The following SLC17A6 variants were observed in gnomAD, a reference collection of about 807,000 sequenced individuals.
The protein encoded by SLC17A6 is solute carrier family 17 member 6.
A neutral mutation model predicts 67.1 loss-of-function variants in SLC17A6; 35 were observed. The observed-to-expected ratio is 0.52, with a 90% CI of 0.40 to 0.69. SLC17A6 has a LOEUF of 0.69. Among genes scored for constraint, SLC17A6 ranks in the 30% least tolerant of loss-of-function variants. The pLI, the probability that SLC17A6 is intolerant of heterozygous loss-of-function variation, is 0.00. For synonymous variants in SLC17A6, 285 were observed against 252.3 expected (o/e 1.13, Z -1.23); for missense variants, 588 against 723.9 (o/e 0.81, Z 2.15).
At chr11:22,363,471 G>A (rs1358276928) in intron 6 of SLC17A6, among the ~76,000 whole-genome samples, 1 of 152,136 alleles carries the variant, frequency 6.6e-6, no homozygotes, top group East Asian at 1.9e-4. Context: ...TTTTAATGAT[G>A]AGGAAAGGAA....
Position 22,377,583 on chromosome 11 carries a change from T to C in SLC17A6, c.1592T>C (p.Ile531Thr). ...EDELDEETGDITQNYINYGTT... is the reference protein window; with the variant it reads ...EDELDEETGDTTQNYINYGTT... ...GAACTCGATGAAGAAACAGGGGACA[T>C]TACTCAAAATTATATAAATTATGGT... Residue 531 changes from isoleucine to threonine, a missense_variant, in exon 12 of 12, where the codon ATT becomes ACT. Ile to Thr is a moderately conservative substitution (Grantham distance 89). This residue lies in a region of SLC17A6 where 414 missense variants were observed against 563.4 expected (regional missense o/e 0.73). Coordinates refer to ENST00000263160, the MANE Select transcript of SLC17A6 (RefSeq NM_020346.3). 6.2e-7 allele frequency: 1 copy of C among 1,614,130 alleles called. No homozygotes were observed. The highest frequency in any genetic ancestry group is 1.3e-5 in the African/African-American group (1 of 75,050).
At position 22,350,059 on chromosome 11, in the gene SLC17A6, A is replaced by G. The variant is rs369974957; in HGVS notation, c.458+6694A>G. On this transcript the variant is annotated intron_variant, in intron 3 of 11. Transcript: ENST00000263160. The stretch of plus-strand genomic sequence containing the variant: ...TCCTTTCACCTTTTCTGGGCAAATC[A>G]TTTTGGGGTGGGCTTGATACTTGAG... Among the ~76,000 whole-genome samples, 3 of 152,240 alleles carry G rather than the reference A, an allele frequency of 2.0e-5. No individual in the cohort carries two copies. The East Asian group carries it at 5.8e-4, about 29-fold the overall frequency.
intron 7 of SLC17A6, among the ~76,000 whole-genome samples, chr11:22,368,471 C>A (rs1006093926): frequency 1.3e-5 from 2 of 151,844 alleles, no homozygotes; most frequent in African/African-American, 4.8e-5. Context: ...ATAAATAGAA[C>A]ATTATCAGAA....
intron 7 of SLC17A6, among the ~76,000 whole-genome samples, chr11:22,367,517 G>C (rs1564985472): frequency 6.6e-6 from 1 of 152,074 alleles, no homozygotes; most frequent in African/African-American, 2.4e-5. Context: ...GGTGATATGG[G>C]AGTGGGTGGA....
At chr11:22,341,380 G>T (rs1855813529) in intron 1 of SLC17A6, 148 bp from the exon 2 acceptor site, 6 of 1,187,688 alleles carry the variant, frequency 5.1e-6, no homozygotes, top group Non-Finnish European at 5.8e-6. Flanking sequence ...TTGCAGCTTG[G>T]TGTCACCCCA....
rs1856262882 is a variant in SLC17A6 at position 22,378,795 on chromosome 11, A to G, written c.*1055A>G. 1 of 152,098 alleles carries G rather than the reference A, an allele frequency of 6.6e-6. No individual in the cohort carries two copies. 9.4% of individuals were successfully genotyped at this position (152,098 alleles called of 1,614,324 possible). A position where few individuals can be genotyped will look rare whatever the true frequency, so the allele number is the denominator to read the frequency against. ...TTATTATTTAAAGTCCTATTAAGAA[A>G]TATTTGTCTTAAATATATAGGACAA... On this transcript the variant is annotated 3_prime_UTR_variant, in exon 12 of 12. Transcript: ENST00000263160.
chr11:22,342,418 A>G (rs1322546824), intron 2 of SLC17A6, among the ~76,000 whole-genome samples: 2 of 152,148 alleles, frequency 1.3e-5, no homozygotes, highest in Non-Finnish European at 2.9e-5. Context: ...GAGTGGAGAA[A>G]CTGGGGAAGA....
intron 3 of SLC17A6, among the ~76,000 whole-genome samples, chr11:22,353,146 G>A (rs1855960694): frequency 6.6e-6 from 1 of 152,096 alleles, no homozygotes; most frequent in Admixed American, 6.5e-5. Context: ...GGCTAACCTT[G>A]ACAAGCCATT....
chr11:22,342,897 G>A (rs1209968447), intron 2 of SLC17A6: 1 of 468,936 alleles, frequency 2.1e-6, no homozygotes, highest in Non-Finnish European at 4.2e-6. Context: ...ACCCCTGACA[G>A]GCGTCTCCAC....
Position 22,341,750 on chromosome 11 carries a change from C to T in SLC17A6, c.309C>T (p.Thr103=). The change falls in exon 2 of 12, where the codon ACC becomes ACT. Residue 103 remains threonine, a synonymous_variant. Transcript: ENST00000263160. The part of the protein sequence containing the change: ...VAIVDMVNNS[T]IHRGGKVIKE... Reference sequence around the variant, plus strand: ...TTGTGGACATGGTCAACAACAGCACCATCCACCGCGGGGGCAAGGTCATCA... The same window carrying T: ...TTGTGGACATGGTCAACAACAGCACTATCCACCGCGGGGGCAAGGTCATCA... 6.2e-7 allele frequency: 1 copy of T among 1,614,184 alleles called. No individual in the cohort carries two copies. Among genetic ancestry groups the T allele is most frequent in the Non-Finnish European group, 8.5e-7 (1 of 1,180,034 alleles).
intron 8 of SLC17A6, 103 bp from the exon 9 acceptor site, chr11:22,374,652 T>C: frequency 1.1e-6 from 1 of 938,104 alleles, no homozygotes; most frequent in Admixed American, 2.8e-5. Flanking sequence ...TTTTCCTTCC[T>C]TTGTCCATAA....
intron 5 of SLC17A6, among the ~76,000 whole-genome samples, chr11:22,361,574 A>G (rs1400438729): frequency 2.6e-5 from 4 of 152,138 alleles, no homozygotes; most frequent in Non-Finnish European, 5.9e-5. Flanking sequence ...CTGTTGCTAT[A>G]ATTTCCCATT....
rs189997630 is a variant in SLC17A6, at chr11:22,370,434, A to G, written c.1041+246A>G. Among the ~76,000 whole-genome samples the G allele has an allele frequency of 1.1e-4, 17 of 152,232 alleles. No homozygotes were observed. The East Asian group carries it at 3.1e-3, about 28-fold the overall frequency. The stretch of plus-strand genomic sequence containing the variant: ...ACAAACCTAGTTTCTGCCTTCATGG[A>G]ACTTAGAGCCCAGTTGGAGCGAGCA... On this transcript the variant is annotated intron_variant, in intron 8 of 11. Coordinates refer to ENST00000263160, the MANE Select transcript of SLC17A6 (RefSeq NM_020346.3).
At chr11:22,342,512 C>T (rs539703206) in intron 2 of SLC17A6, among the ~76,000 whole-genome samples, 1 of 152,152 alleles carries the variant, frequency 6.6e-6, no homozygotes, top group Non-Finnish European at 1.5e-5. Flanking sequence ...AGTTCTCAGG[C>T]GGGAAAAGCG....
Position 22,341,902 on chromosome 11 carries a change from C to G in SLC17A6, c.339+122C>G, listed in dbSNP as rs1855820453. On this transcript the variant is annotated intron_variant, in intron 2 of 11. Coordinates refer to ENST00000263160, the MANE Select transcript of SLC17A6 (RefSeq NM_020346.3). ...GGAAGGTTTGGGTGCTCCCTAAGCT[C>G]CTCTCTGGCTCTGCCGTTCTAGAAT... 2.9e-6 allele frequency: 4 copies of G among 1,399,456 alleles called. No homozygotes were observed. The South Asian group carries it at 5.7e-5, about 20-fold the overall frequency. 86.7% of individuals were successfully genotyped at this position (1,399,456 alleles called of 1,614,324 possible).
intron 3 of SLC17A6, among the ~76,000 whole-genome samples, chr11:22,350,144 T>A (rs1466852848): frequency 1.3e-5 from 2 of 152,316 alleles, no homozygotes; most frequent in East Asian, 3.9e-4. Context: ...GAACTCATTA[T>A]GGGCCATATT....
chr11:22,344,080 C>T (rs947579099), intron 3 of SLC17A6, among the ~76,000 whole-genome samples: 1 of 152,096 alleles, frequency 6.6e-6, no homozygotes, highest in East Asian at 1.9e-4. Flanking sequence ...TCGAGGGGCA[C>T]GCTTGGCCAC....
intron 4 of SLC17A6, among the ~76,000 whole-genome samples, chr11:22,359,786 T>TA (rs5790257): frequency 0.12 from 18,061 of 150,096 alleles, 1,457 homozygotes; most frequent in Middle Eastern, 0.22. Flanking sequence ...CTATTTGACT[T>TA]AAAAAAAAAC....
intron 6 of SLC17A6, 92 bp from the exon 7 acceptor site, chr11:22,365,455 A>G: frequency 7.5e-7 from 1 of 1,329,016 alleles, no homozygotes; most frequent in Non-Finnish European, 1.1e-6. Flanking sequence ...TCTTTCTAAT[A>G]GAATATGTTT....
Sources: allele counts gnomAD v4.1 joint callset (sites outside exome capture counted in the v4.1 genomes callset), GRCh38; gene constraint gnomAD v4.1.1; regional missense constraint gnomAD v4.1.1; transcripts MANE v1.5; gene names NCBI Gene and HGNC (gene_info 2026-07-23, HGNC 2026-07-21).